Variants in HDAC9 observed in about 807,000 individuals in gnomAD.
HDAC9 encodes the protein MEF-2 interacting transcription repressor (MITR) protein.
A neutral mutation model predicts 139.4 loss-of-function variants in HDAC9; 41 were observed. That is an observed-to-expected ratio of 0.29 (90% CI 0.23 to 0.38). The LOEUF (loss-of-function observed/expected upper bound fraction) is 0.38, where lower values mean the gene tolerates loss of function less well. Ranked by LOEUF, HDAC9 falls within the 10% of genes least tolerant of loss-of-function variation. The pLI, the probability that HDAC9 is intolerant of heterozygous loss-of-function variation, is 1.00. For synonymous variants in HDAC9, 517 were observed against 476.2 expected (o/e 1.09, Z -1.12); for missense variants, 1,147 against 1,297.0 (o/e 0.88, Z 1.78).
intron 12 of HDAC9, among the ~76,000 whole-genome samples, chr7:18,710,505 CACAT>C (rs1784266908): frequency 1.3e-5 from 2 of 152,128 alleles, no homozygotes; most frequent in African/African-American, 4.8e-5. Context: ...TATGCATACA[CACAT>C]ACATACGTAT....
At chr7:18,730,956 A>G (rs1339398766) in intron 13 of HDAC9, among the ~76,000 whole-genome samples, 1 of 152,162 alleles carries the variant, frequency 6.6e-6, no homozygotes, top group Non-Finnish European at 1.5e-5. Context: ...CACTGGTGAC[A>G]CTGCCACAGT....
At chr7:18,725,924 C>T (rs371884112) in intron 12 of HDAC9, among the ~76,000 whole-genome samples, 1 of 152,168 alleles carries the variant, frequency 6.6e-6, no homozygotes, top group Non-Finnish European at 1.5e-5. Context: ...TCCCAATCAT[C>T]GAAGCGAATG....
intron 1 of HDAC9, among the ~76,000 whole-genome samples, chr7:18,419,622 A>G (rs930344519): frequency 6.6e-6 from 1 of 152,180 alleles, no homozygotes; most frequent in Non-Finnish European, 1.5e-5. Flanking sequence ...AGAACTCTTT[A>G]TTTAAAGGGG....
intron 6 of HDAC9, among the ~76,000 whole-genome samples, chr7:18,607,622 T>C (rs1296533566): frequency 1.3e-5 from 2 of 152,200 alleles, no homozygotes; most frequent in African/African-American, 4.8e-5. Flanking sequence ...ATTGAAGAAC[T>C]AGAATGGCAA....
intron 12 of HDAC9, among the ~76,000 whole-genome samples, chr7:18,714,552 C>T (rs532418092): frequency 6.6e-6 from 1 of 152,190 alleles, no homozygotes; most frequent in Admixed American, 6.5e-5. Flanking sequence ...TGACCTGCAC[C>T]TGCTCTGTGG....
intron 1 of HDAC9, among the ~76,000 whole-genome samples, chr7:18,129,242 A>T (rs1217958432): frequency 6.6e-6 from 1 of 152,144 alleles, no homozygotes; most frequent in Non-Finnish European, 1.5e-5. Flanking sequence ...AATTCTATTG[A>T]AAAACAGTTT....
intron 2 of HDAC9, among the ~76,000 whole-genome samples, chr7:18,167,010 C>G (rs1788056069): frequency 6.6e-6 from 1 of 152,152 alleles, no homozygotes; most frequent in African/African-American, 2.4e-5. Context: ...TGACAAGTAG[C>G]TCTACATAAC....
intron 1 of HDAC9, among the ~76,000 whole-genome samples, chr7:18,466,111 A>G (rs945186088): frequency 1.3e-5 from 2 of 152,182 alleles, no homozygotes; most frequent in Non-Finnish European, 2.9e-5. Context: ...TCTTTGTCTA[A>G]GAATGAGCTA....
chr7:18,696,863 A>T (rs1783091910), intron 12 of HDAC9, among the ~76,000 whole-genome samples: 1 of 151,994 alleles, frequency 6.6e-6, no homozygotes, highest in Non-Finnish European at 1.5e-5. Flanking sequence ...GGCACTTATC[A>T]AACAGAACAG....
At chr7:18,407,558 TAAA>T (rs59165546) in intron 1 of HDAC9, among the ~76,000 whole-genome samples, 1 of 147,566 alleles carries the variant, frequency 6.8e-6, no homozygotes, top group East Asian at 2.0e-4. Flanking sequence ...AGATCTTGGA[TAAA>T]AAAAAAAATC....
chr7:18,653,428 C>T (rs1014572181), intron 11 of HDAC9, among the ~76,000 whole-genome samples: 1 of 151,920 alleles, frequency 6.6e-6, no homozygotes, highest in Non-Finnish European at 1.5e-5. Flanking sequence ...TGCTTTCTTC[C>T]TTTCTTATAT....
chr7:18,439,364 C>T (rs2128090150), intron 1 of HDAC9, among the ~76,000 whole-genome samples: 1 of 152,282 alleles, frequency 6.6e-6, no homozygotes, highest in East Asian at 1.9e-4. Flanking sequence ...CAATGATAAA[C>T]TTTGAAATGC....
intron 2 of HDAC9, among the ~76,000 whole-genome samples, chr7:18,196,203 A>G (rs1790715732): frequency 6.6e-6 from 1 of 152,210 alleles, no homozygotes; most frequent in African/African-American, 2.4e-5. Flanking sequence ...TAGAAGGTGT[A>G]CATTTGGAGC....
intron 21 of HDAC9, among the ~76,000 whole-genome samples, chr7:18,851,758 C>T (rs970973979): frequency 6.6e-6 from 1 of 152,124 alleles, no homozygotes; most frequent in African/African-American, 2.4e-5. Context: ...TTTAAAATTC[C>T]ATTAACACCA....
intron 2 of HDAC9, among the ~76,000 whole-genome samples, chr7:18,256,253 G>A (rs1397497333): frequency 6.6e-6 from 1 of 152,186 alleles, no homozygotes; most frequent in East Asian, 1.9e-4. Context: ...TACGTGGAAA[G>A]TGGGGTGGTA....
chr7:18,290,559 A>G (rs1369062675), intron 1 of HDAC9: 3 of 456,464 alleles, frequency 6.6e-6, no homozygotes, highest in East Asian at 1.4e-4. Flanking sequence ...TGTGAAAAAG[A>G]TAGTGGGGTA....
chr7:18,471,298 A>G (rs1794703752), intron 1 of HDAC9, among the ~76,000 whole-genome samples: 1 of 152,206 alleles, frequency 6.6e-6, no homozygotes, highest in Admixed American at 6.5e-5. Context: ...CTGAATCCAA[A>G]TGGCTGCACT....
intron 17 of HDAC9, among the ~76,000 whole-genome samples, chr7:18,801,800 G>A (rs1338083877): frequency 1.3e-5 from 2 of 151,982 alleles, no homozygotes; most frequent in Non-Finnish European, 2.9e-5. Context: ...CAATTTAGGA[G>A]TGTTGTATTT....
At chr7:18,818,887 A>G (rs930416754) in intron 17 of HDAC9, among the ~76,000 whole-genome samples, 2 of 152,202 alleles carry the variant, frequency 1.3e-5, no homozygotes, top group African/African-American at 4.8e-5. Context: ...GACAATCTTA[A>G]TGAATGCAGC....
Sources: allele counts gnomAD v4.1 joint callset (sites outside exome capture counted in the v4.1 genomes callset), GRCh38; gene constraint gnomAD v4.1.1; transcripts MANE v1.5; gene names NCBI Gene and HGNC (gene_info 2026-07-23, HGNC 2026-07-21).